HMCN1: variants seen among roughly 807,000 people sequenced by gnomAD.
HMCN1 encodes hemicentin-1.
HMCN1 carries 321 observed loss-of-function variants against 625.9 expected under a neutral mutation model. The ratio of observed to expected loss-of-function variants is 0.51; its 90% confidence interval spans 0.47 to 0.56. HMCN1 has a LOEUF of 0.56. Ranked by LOEUF, HMCN1 falls within the 20% of genes least tolerant of loss-of-function variation. The pLI is 0.00. For missense variants in HMCN1, 6,588 were observed against 6,887.3 expected, an observed-to-expected ratio of 0.96 and a Z score of 1.54; for synonymous variants, 2,425 against 2,417.6, an observed-to-expected ratio of 1.00 and a Z score of -0.09.
chr1:185,906,392 G>A (rs185414957), intron 4 of HMCN1, among the ~76,000 whole-genome samples: 1 of 151,924 alleles, frequency 6.6e-6, no homozygotes, highest in Admixed American at 6.6e-5. Flanking sequence ...CCTCATAAAT[G>A]TTGGTGAATT....
chr1:186,023,195 A>C (rs543225813), intron 36 of HMCN1, 42 bp downstream of exon 36: 2 of 1,571,504 alleles, frequency 1.3e-6, no homozygotes, highest in African/African-American at 2.7e-5. Flanking sequence ...TATTTGTATC[A>C]CTTTTTAAAA....
chr1:185,953,613 T>A lies in HMCN1; in HGVS notation c.1829-8905T>A, dbSNP rs368036568. The stretch of plus-strand genomic sequence containing the variant: ...GAGAAGAGAGTAAAAAGAGGCCACT[T>A]ACTGGATTTGAAATTGGTGAGATGT... On this transcript the variant is annotated intron_variant, in intron 11 of 106. Transcript: ENST00000271588. Among the ~76,000 whole-genome samples, 115 of 151,886 alleles carry A rather than the reference T, an allele frequency of 7.6e-4. 1 individual carries two copies. Among genetic ancestry groups the A allele is most frequent in the East Asian group, 5.8e-4 (3 of 5,170 alleles).
intron 1 of HMCN1, among the ~76,000 whole-genome samples, chr1:185,775,205 A>G (rs1450219381): frequency 6.6e-6 from 1 of 152,204 alleles, no homozygotes; most frequent in Admixed American, 6.5e-5. Context: ...AGTATGTGAA[A>G]GACAGAGACT....
chr1:186,181,279 G>T (rs1453386435), intron 104 of HMCN1, among the ~76,000 whole-genome samples: 1 of 152,116 alleles, frequency 6.6e-6, no homozygotes, highest in Non-Finnish European at 1.5e-5. Context: ...TTTAATTTTA[G>T]TTAAAGCAAA....
intron 11 of HMCN1, among the ~76,000 whole-genome samples, chr1:185,945,041 A>AT (rs1397712240): frequency 2.0e-5 from 3 of 152,232 alleles, no homozygotes; most frequent in African/African-American, 4.8e-5. Context: ...TTTGTTGTAT[A>AT]TAATAACATA....
At chr1:186,064,257 T>A (rs980998672) in intron 48 of HMCN1, among the ~76,000 whole-genome samples, 3 of 151,948 alleles carry the variant, frequency 2.0e-5, no homozygotes, top group African/African-American at 4.8e-5. Context: ...GGTTTTAAAA[T>A]TTTTTTTAAG....
At chr1:185,944,211 T>C (rs1387469436) in intron 11 of HMCN1, among the ~76,000 whole-genome samples, 1 of 151,474 alleles carries the variant, frequency 6.6e-6, no homozygotes, top group Non-Finnish European at 1.5e-5. Context: ...AACAGATAAA[T>C]GAGAGTACTT....
chr1:186,068,195 T>C (rs1385276099), intron 50 of HMCN1, among the ~76,000 whole-genome samples, 188 bp downstream of exon 50: 4 of 152,190 alleles, frequency 2.6e-5, no homozygotes, highest in Non-Finnish European at 5.9e-5. Context: ...ACCCCTGCTG[T>C]AAAGTACTGA....
chr1:185,789,303 T>C (rs1354134868), intron 1 of HMCN1, among the ~76,000 whole-genome samples: 1 of 152,108 alleles, frequency 6.6e-6, no homozygotes, highest in African/African-American at 2.4e-5. Flanking sequence ...GCTTGTCAAG[T>C]TTCAGGTGGT....
Position 186,125,795 on chromosome 1 carries a change from G to A in HMCN1, c.12690+1G>A. The A allele has an allele frequency of 6.2e-7, 1 of 1,611,796 alleles. No individual in the cohort carries two copies. Among genetic ancestry groups the A allele is most frequent in the Non-Finnish European group, 8.5e-7 (1 of 1,178,222 alleles). The stretch of plus-strand genomic sequence containing the variant: ...AGAACTCATTTTAGAAAATGTTGTG[G>A]TAAGTTTAATGGACGTGAACAGATA... On this transcript the variant is annotated splice_donor_variant, in intron 82 of 106. Coordinates refer to ENST00000271588, the MANE Select transcript of HMCN1 (RefSeq NM_031935.3). LOFTEE classifies it high-confidence loss of function.
Position 186,190,039 on chromosome 1 carries a change from C to T in HMCN1, c.*161C>T. ...TTCCTTGGTACTTCTGAGGTATTTT[C>T]ATGATCCCACCATGGTCATATCTTG... is the stretch of plus-strand genomic sequence containing the variant. On this transcript the variant is annotated 3_prime_UTR_variant, in exon 107 of 107. Coordinates refer to ENST00000271588, the MANE Select transcript of HMCN1 (RefSeq NM_031935.3). 2 of 787,356 alleles carry T rather than the reference C, an allele frequency of 2.5e-6. No individual in the cohort carries two copies. Among genetic ancestry groups the T allele is most frequent in the South Asian group, 1.5e-5 (1 of 67,106 alleles). The allele number at this position is 787,356 out of a possible 1,614,324, so 48.8% of individuals were successfully genotyped here. A position where few individuals can be genotyped will look rare whatever the true frequency, so the allele number is the denominator to read the frequency against.
At chr1:186,116,464 T>C (rs1264989802) in intron 75 of HMCN1, among the ~76,000 whole-genome samples, 1 of 151,556 alleles carries the variant, frequency 6.6e-6, no homozygotes, top group Non-Finnish European at 1.5e-5. Flanking sequence ...ATTGCCATAT[T>C]ATCTACAAGG....
chr1:185,980,691 A>T (rs74134251), intron 16 of HMCN1, among the ~76,000 whole-genome samples: 4,686 of 152,224 alleles, frequency 0.031, 253 homozygotes, highest in African/African-American at 0.11. Flanking sequence ...ACCGATTAGA[A>T]CTGGACTGCC....
intron 10 of HMCN1, among the ~76,000 whole-genome samples, chr1:185,928,914 G>C (rs1467701626): frequency 6.6e-6 from 1 of 152,014 alleles, no homozygotes; most frequent in Non-Finnish European, 1.5e-5. Flanking sequence ...ATAATAACAA[G>C]AACCGTCTCA....
intron 1 of HMCN1, among the ~76,000 whole-genome samples, chr1:185,816,374 A>G (rs1659846710): frequency 6.6e-6 from 1 of 152,306 alleles, no homozygotes. Flanking sequence ...TTAAATGGAA[A>G]AGAGGCTTCC....
chr1:186,074,174 A>C (rs1292029497), intron 52 of HMCN1, among the ~76,000 whole-genome samples: 3 of 152,086 alleles, frequency 2.0e-5, no homozygotes, highest in Non-Finnish European at 4.4e-5. Flanking sequence ...TACTGATAAA[A>C]CACCATAATA....
At chr1:185,771,424 T>C (rs1355407912) in intron 1 of HMCN1, among the ~76,000 whole-genome samples, 1 of 152,178 alleles carries the variant, frequency 6.6e-6, no homozygotes, top group Non-Finnish European at 1.5e-5. Flanking sequence ...GGAATGCACA[T>C]ATGTAACAGA....
At chr1:185,999,926 A>T (rs1653062707) in intron 25 of HMCN1, 119 bp from the exon 26 acceptor site, 1 of 675,132 alleles carries the variant, frequency 1.5e-6, no homozygotes, top group African/African-American at 1.8e-5. Flanking sequence ...AAGGTAGCAT[A>T]GGACCTAAGG....
intron 1 of HMCN1, among the ~76,000 whole-genome samples, chr1:185,817,290 G>A (rs1659902242): frequency 6.6e-6 from 1 of 152,108 alleles, no homozygotes; most frequent in South Asian, 2.1e-4. Context: ...TTGAGGTAAG[G>A]GACAGTCATT....
Sources: allele counts gnomAD v4.1 joint callset (sites outside exome capture counted in the v4.1 genomes callset), GRCh38; gene constraint gnomAD v4.1.1; transcripts MANE v1.5; gene names NCBI Gene and HGNC (gene_info 2026-07-23, HGNC 2026-07-21).